SGIP1: variants seen among roughly 807,000 people sequenced by gnomAD.
SGIP1 encodes the protein SH3-containing GRB2-like protein 3-interacting protein 1.
Under a neutral mutation model 107.5 loss-of-function variants are expected in SGIP1, and 38 were observed. That is an observed-to-expected ratio of 0.35 (90% CI 0.27 to 0.46). SGIP1 has a LOEUF of 0.46. SGIP1 is among the 20% of genes least tolerant of loss of function. SGIP1 has a pLI of 1.00. For missense variants in SGIP1, 929 were observed against 1,019.5 expected, an observed-to-expected ratio of 0.91 and a Z score of 1.21; for synonymous variants, 365 against 366.1, an observed-to-expected ratio of 1.00 and a Z score of 0.03.
chr1:66,741,198 T>C (rs1484774268), intron 23 of SGIP1, 74 bp from the exon 24 acceptor site: 1 of 1,438,012 alleles, frequency 7.0e-7, no homozygotes, highest in Non-Finnish European at 9.2e-7. Context: ...ACGTTAACTT[T>C]TGAATGCAAC....
chr1:66,725,394 T>G (rs1026894347), intron 19 of SGIP1, among the ~76,000 whole-genome samples: 3 of 152,220 alleles, frequency 2.0e-5, no homozygotes, highest in Non-Finnish European at 4.4e-5. Context: ...TAGGACAACG[T>G]GGAGTCTCCA....
chr1:66,680,710 A>G (rs1397514411), intron 14 of SGIP1, among the ~76,000 whole-genome samples: 1 of 152,234 alleles, frequency 6.6e-6, no homozygotes, highest in Non-Finnish European at 1.5e-5. Context: ...ACAAGATTAT[A>G]AATATTGCGG....
At chr1:66,741,026 T>C (rs1294534627) in intron 23 of SGIP1, among the ~76,000 whole-genome samples, 1 of 152,142 alleles carries the variant, frequency 6.6e-6, no homozygotes, top group Non-Finnish European at 1.5e-5. Context: ...ATATTAATCA[T>C]AGGTTGGAAA....
chr1:66,739,298 T>A, intron 21 of SGIP1, 37 bp from the exon 22 acceptor site: 1 of 1,596,682 alleles, frequency 6.3e-7, no homozygotes, highest in Non-Finnish European at 8.5e-7. Context: ...AACATCCCTG[T>A]CATATGTTGT....
intron 1 of SGIP1, 37 bp from the exon 2 acceptor site, chr1:66,625,810 C>T: frequency 6.3e-7 from 1 of 1,582,016 alleles, no homozygotes; most frequent in Non-Finnish European, 8.7e-7. Flanking sequence ...TTGAATGTTG[C>T]TGAGAGAGTT....
At chr1:66,581,189 A>C (rs1342658440) in intron 1 of SGIP1, among the ~76,000 whole-genome samples, 1 of 152,146 alleles carries the variant, frequency 6.6e-6, no homozygotes, top group Non-Finnish European at 1.5e-5. Context: ...CAGTCTGTTT[A>C]AATTGCCAAT....
chr1:66,695,716 T>G (rs1026472219), intron 18 of SGIP1, among the ~76,000 whole-genome samples: 1 of 152,212 alleles, frequency 6.6e-6, no homozygotes, highest in African/African-American at 2.4e-5. Context: ...TTCAAGCTAA[T>G]TTGCAGTTAA....
chr1:66,710,564 T>G (rs769093597), intron 18 of SGIP1, among the ~76,000 whole-genome samples: 1 of 152,188 alleles, frequency 6.6e-6, no homozygotes, highest in African/African-American at 2.4e-5. Context: ...GTCCTCATTC[T>G]GATACACTTT....
intron 1 of SGIP1, among the ~76,000 whole-genome samples, chr1:66,598,065 C>T (rs2065063145): frequency 6.6e-6 from 1 of 152,036 alleles, no homozygotes; most frequent in African/African-American, 2.4e-5. Flanking sequence ...TTTAAAAAGG[C>T]ATTTGTCCCT....
chr1:66,580,029 C>T (rs1386476464), intron 1 of SGIP1, among the ~76,000 whole-genome samples: 1 of 152,156 alleles, frequency 6.6e-6, no homozygotes, highest in Non-Finnish European at 1.5e-5. Flanking sequence ...GCACAATATA[C>T]ACACATATGT....
intron 1 of SGIP1, among the ~76,000 whole-genome samples, chr1:66,556,786 C>G (rs1445689571): frequency 1.3e-5 from 2 of 151,990 alleles, no homozygotes; most frequent in African/African-American, 4.8e-5. Flanking sequence ...ATCTGTAATA[C>G]AAAATATCTC....
chr1:66,607,406 A>G (rs1045073459), intron 1 of SGIP1, among the ~76,000 whole-genome samples: 5 of 152,246 alleles, frequency 3.3e-5, no homozygotes, highest in African/African-American at 7.2e-5. Flanking sequence ...ACAGCAAGCT[A>G]TGTCAGATGT....
chr1:66,693,787 A>G (rs567396737), intron 17 of SGIP1, among the ~76,000 whole-genome samples: 1 of 152,360 alleles, frequency 6.6e-6, no homozygotes, highest in South Asian at 2.1e-4. Context: ...ATTTACAAAG[A>G]CATTCAGACA....
At chr1:66,623,735 G>A (rs6664698) in intron 1 of SGIP1, among the ~76,000 whole-genome samples, 18,143 of 152,160 alleles carry the variant, frequency 0.12, 1,127 homozygotes, top group South Asian at 0.14. Context: ...AGATTCTTTC[G>A]TCTCTTATCG....
intron 19 of SGIP1, among the ~76,000 whole-genome samples, chr1:66,722,635 T>C (rs2093593956): frequency 6.6e-6 from 1 of 152,198 alleles, no homozygotes. Flanking sequence ...GACTTGTGCA[T>C]AAATATAATA....
chr1:66,535,425 C>G (rs933418327), intron 1 of SGIP1, among the ~76,000 whole-genome samples: 1 of 152,168 alleles, frequency 6.6e-6, no homozygotes. Context: ...GTTTGTCCTA[C>G]GGATTTTAAC....
intron 8 of SGIP1, chr1:66,666,714 A>T (rs2082635104): frequency 6.6e-6 from 1 of 151,974 alleles, no homozygotes; most frequent in Non-Finnish European, 1.5e-5. Context: ...ATTCTTAGGT[A>T]TTTTATTCTC....
chr1:66,685,881 C>A (rs1015813817), intron 15 of SGIP1, among the ~76,000 whole-genome samples: 11 of 152,140 alleles, frequency 7.2e-5, no homozygotes, highest in Admixed American at 5.9e-4. Flanking sequence ...AGTAATGTTT[C>A]AGGGCTTTTA....
chr1:66,571,512 T>A (rs980135486), intron 1 of SGIP1, among the ~76,000 whole-genome samples: 1 of 152,034 alleles, frequency 6.6e-6, no homozygotes, highest in African/African-American at 2.4e-5. Flanking sequence ...AGAAATGACG[T>A]GAGGTGAGAG....
Sources: allele counts gnomAD v4.1 joint callset (sites outside exome capture counted in the v4.1 genomes callset), GRCh38; gene constraint gnomAD v4.1.1; transcripts MANE v1.5; gene names NCBI Gene and HGNC (gene_info 2026-07-23, HGNC 2026-07-21).